STYXL1: variants seen among roughly 807,000 people sequenced by gnomAD.
STYXL1 encodes serine/threonine/tyrosine-interacting-like protein 1.
A neutral mutation model predicts 36.4 loss-of-function variants in STYXL1; 32 were observed. The ratio of observed to expected loss-of-function variants is 0.88; its 90% CI spans 0.66 to 1.18. The LOEUF is 1.18. Ranked by LOEUF, STYXL1 falls within the 50% of genes most tolerant of loss-of-function variation. STYXL1 has a pLI of 0.00. For synonymous variants in STYXL1, 133 were observed against 144.1 expected (o/e 0.92, Z 0.55); for missense variants, 354 against 394.1 (o/e 0.90, Z 0.86).
At chr7:75,998,592 C>T (rs782257436) in intron 8 of STYXL1, 39 of 152,108 alleles carry the variant, frequency 2.6e-4, no homozygotes, top group African/African-American at 9.4e-4. Context: ...GCCACTGCAC[C>T]GGGCCTGTCA....
intron 8 of STYXL1, among the ~76,000 whole-genome samples, chr7:75,997,146 A>G (rs1790226077): frequency 6.6e-6 from 1 of 152,136 alleles, no homozygotes; most frequent in South Asian, 2.1e-4. Flanking sequence ...GAACAGAAGG[A>G]AATGGCCAGG....
At chr7:76,009,502 C>A (rs1002570232) in intron 5 of STYXL1, among the ~76,000 whole-genome samples, 1 of 152,134 alleles carries the variant, frequency 6.6e-6, no homozygotes, top group Non-Finnish European at 1.5e-5. Context: ...CCTCCGCCTC[C>A]CGGGTTCAAT....
intron 1 of STYXL1, among the ~76,000 whole-genome samples, chr7:76,039,763 C>G (rs1312793952): frequency 5.3e-5 from 8 of 152,002 alleles, no homozygotes; most frequent in African/African-American, 1.9e-4. Context: ...TTCTCCTGCC[C>G]CAGCCTCCCC....
intron 7 of STYXL1, among the ~76,000 whole-genome samples, chr7:76,003,351 C>A (rs1791227929): frequency 6.6e-6 from 1 of 152,216 alleles, no homozygotes; most frequent in African/African-American, 2.4e-5. Flanking sequence ...TTCCATTCCA[C>A]CGACATCCCA....
intron 4 of STYXL1, among the ~76,000 whole-genome samples, chr7:76,019,444 G>A (rs1793786302): frequency 2.6e-5 from 4 of 151,808 alleles, no homozygotes; most frequent in Non-Finnish European, 5.9e-5. Flanking sequence ...CTACAGGCAT[G>A]CACCACCATG....
chr7:76,033,183 TC>T (rs1554579836), intron 1 of STYXL1, among the ~76,000 whole-genome samples: 5 of 152,132 alleles, frequency 3.3e-5, no homozygotes, highest in Non-Finnish European at 5.9e-5. Flanking sequence ...TCTTTTTCTG[TC>T]ATCCAGGCTT....
rs1012509572 is a variant in STYXL1 at position 76,004,621 on chromosome 7, C to T, written c.599+638G>A. On this transcript the variant is annotated intron_variant, in intron 6 of 8. Coordinates refer to ENST00000359697, the MANE Select transcript of STYXL1 (RefSeq NM_001317785.2). ...TGGGGAGGCTGAGGCAGGAGAATCA[C>T]TTAACCCTGGAGGCGGAGGTTGCAG... is the stretch of plus-strand genomic sequence containing the variant. Among the ~76,000 whole-genome samples, 3 of 151,890 alleles carry T rather than the reference C, an allele frequency of 2.0e-5. No individual in the cohort carries two copies. In the South Asian group the frequency reaches 6.3e-4, roughly 32 times the overall value.
At chr7:76,000,858 C>T (rs1166390099) in intron 8 of STYXL1, 32 bp downstream of exon 8, 25 of 1,593,944 alleles carry the variant, frequency 1.6e-5, no homozygotes, top group Non-Finnish European at 2.0e-5. Context: ...AGGGGGTGGC[C>T]GTGGTGCGAG....
intron 1 of STYXL1, among the ~76,000 whole-genome samples, chr7:76,034,980 G>T: frequency 7.6e-6 from 1 of 130,852 alleles, no homozygotes; most frequent in East Asian, 2.0e-4. Flanking sequence ...CGTAAATACA[G>T]CATGGCCGAA....
chr7:76,016,369 C>T (rs1476567411), intron 4 of STYXL1, among the ~76,000 whole-genome samples: 1 of 148,432 alleles, frequency 6.7e-6, no homozygotes, highest in Non-Finnish European at 1.5e-5. Flanking sequence ...TATGTGTGCA[C>T]ATATATAGCG....
intron 3 of STYXL1, among the ~76,000 whole-genome samples, chr7:76,025,991 G>A (rs112554168): frequency 4.0e-5 from 6 of 150,882 alleles, no homozygotes; most frequent in Non-Finnish European, 5.9e-5. Flanking sequence ...AGAAGATCGA[G>A]AGCATCCTGG....
chr7:76,028,634 C>T lies in STYXL1; in HGVS notation c.165+8G>A, dbSNP rs1554578386. On this transcript the variant is annotated splice_region_variant and intron_variant, in intron 3 of 8. Transcript: ENST00000359697. ...AGCCTGCCCCAGATCCTGACGCTGC[C>T]CATGTACCTTCTTCACTCGAAGGGC... is the stretch of plus-strand genomic sequence containing the variant. The T allele has an allele frequency of 1.9e-6, 3 of 1,613,808 alleles. No individual in the cohort carries two copies. Among genetic ancestry groups the T allele is most frequent in the Non-Finnish European group, 1.7e-6 (2 of 1,179,862 alleles).
intron 8 of STYXL1, among the ~76,000 whole-genome samples, chr7:75,998,171 G>T (rs1554564789): frequency 6.6e-6 from 1 of 152,126 alleles, no homozygotes; most frequent in Non-Finnish European, 1.5e-5. Context: ...CACACTTCCT[G>T]ATTTCAAACC....
intron 4 of STYXL1, among the ~76,000 whole-genome samples, chr7:76,017,425 G>A (rs1177284100): frequency 2.0e-5 from 3 of 152,104 alleles, no homozygotes; most frequent in Admixed American, 6.6e-5. Context: ...GGATGGAGCT[G>A]GAGGCCATCA....
At chr7:76,047,613 G>A in intron 1 of STYXL1, 49 bp downstream of exon 1, 1 of 166,260 alleles carries the variant, frequency 6.0e-6, no homozygotes. Flanking sequence ...TGAGGAGATG[G>A]CCCCTTCCTC....
chr7:76,001,014 AGTG>A lies in STYXL1; in HGVS notation c.698-15_698-13del. On this transcript the variant is annotated splice_polypyrimidine_tract_variant and intron_variant, in intron 7 of 8. Coordinates refer to ENST00000359697, the MANE Select transcript of STYXL1 (RefSeq NM_001317785.2). ...GTGATGGTGAATTTCTGCAAAAAGA[AGTG>A]GGGGGTTGGGTCATGCCTGGCCCTC... 6.2e-7 allele frequency: 1 copy of A among 1,609,096 alleles called. No individual in the cohort carries two copies. Among genetic ancestry groups the A allele is most frequent in the Non-Finnish European group, 8.5e-7 (1 of 1,175,398 alleles).
intron 1 of STYXL1, among the ~76,000 whole-genome samples, chr7:76,033,957 G>A (rs1303669217): frequency 3.3e-5 from 5 of 152,158 alleles, no homozygotes; most frequent in Non-Finnish European, 5.9e-5. Context: ...TAAAATGGGG[G>A]TGAGAATAAT....
At chr7:76,033,953 G>A (rs1232548493) in intron 1 of STYXL1, among the ~76,000 whole-genome samples, 1 of 152,178 alleles carries the variant, frequency 6.6e-6, no homozygotes, top group Non-Finnish European at 1.5e-5. Context: ...TCTGTAAAAT[G>A]GGGGTGAGAA....
intron 3 of STYXL1, among the ~76,000 whole-genome samples, chr7:76,025,145 C>A (rs1273066396): frequency 1.9e-5 from 1 of 51,932 alleles, no homozygotes; most frequent in African/African-American, 8.4e-5. Context: ...AGAACACGGG[C>A]GGGAGGGGGG....
Sources: allele counts gnomAD v4.1 joint callset (sites outside exome capture counted in the v4.1 genomes callset), GRCh38; gene constraint gnomAD v4.1.1; transcripts MANE v1.5; gene names NCBI Gene and HGNC (gene_info 2026-07-23, HGNC 2026-07-21).